DENND1A: variants seen among roughly 807,000 people sequenced by gnomAD.
The protein encoded by DENND1A is DENN domain containing 1A.
A neutral mutation model predicts 113.7 loss-of-function variants in DENND1A; 51 were observed. The ratio of observed to expected loss-of-function variants is 0.45; its 90% confidence interval spans 0.36 to 0.57. DENND1A has a LOEUF of 0.57. DENND1A is among the 20% of genes least tolerant of loss of function. The pLI is 0.00. For missense variants in DENND1A, 1,258 were observed against 1,395.9 expected (o/e 0.90, Z 1.57); for synonymous variants, 565 against 570.8 (o/e 0.99, Z 0.14).
chr9:123,882,730 A>G (rs770223263), intron 1 of DENND1A, among the ~76,000 whole-genome samples: 1 of 152,170 alleles, frequency 6.6e-6, no homozygotes, highest in Non-Finnish European at 1.5e-5. Context: ...CAAATCTCCT[A>G]AAAGCTCCCC....
At chr9:123,512,792 T>C (rs1564628011) in intron 13 of DENND1A, among the ~76,000 whole-genome samples, 1 of 152,222 alleles carries the variant, frequency 6.6e-6, no homozygotes, top group East Asian at 1.9e-4. Context: ...AAATACCAGC[T>C]TTGCTGGTAA....
intron 8 of DENND1A, among the ~76,000 whole-genome samples, chr9:123,662,481 T>G (rs1324507883): frequency 2.0e-5 from 3 of 152,180 alleles, no homozygotes; most frequent in Non-Finnish European, 4.4e-5. Context: ...GACAATCGCT[T>G]GAGCCCAGGA....
chr9:123,843,036 A>G (rs1330335884), intron 2 of DENND1A: 2 of 491,038 alleles, frequency 4.1e-6, no homozygotes, highest in Admixed American at 4.5e-5. Context: ...AGAAAATACC[A>G]TGAAAGATAC....
At chr9:123,696,420 G>C (rs1311218021) in intron 5 of DENND1A, among the ~76,000 whole-genome samples, 1 of 152,210 alleles carries the variant, frequency 6.6e-6, no homozygotes, top group Non-Finnish European at 1.5e-5. Flanking sequence ...ATTATCGGAA[G>C]AGTTTTGTTA....
At chr9:123,768,425 C>A (rs1317825386) in intron 4 of DENND1A, among the ~76,000 whole-genome samples, 1 of 152,102 alleles carries the variant, frequency 6.6e-6, no homozygotes, top group Non-Finnish European at 1.5e-5. Context: ...AGCATACTAC[C>A]CACATATACT....
rs775600841 is a variant in DENND1A at position 123,757,820 on chromosome 9, A to G, written c.185T>C (p.Leu62Pro). Residue 62 changes from leucine to proline, a missense_variant and splice_region_variant, in exon 5 of 24, where the codon CTC (leucine) becomes CCC (proline). Physicochemically the swap from Leu to Pro is moderately conservative, Grantham distance 98. Coordinates refer to ENST00000394215, the MANE Select transcript of DENND1A (RefSeq NM_001352964.2). Reference protein sequence around the residue: ...KFCFPFYVDSLTVSQVGQNFT... With the variant: ...KFCFPFYVDSPTVSQVGQNFT... ...GTTCTGGCCAACTTGGCTAACTGTG[A>G]GGCTGCAGCAAAGGCAGAACAAAGG... 1 of 1,613,728 alleles carries G rather than the reference A, an allele frequency of 6.2e-7. No homozygotes were observed. Among genetic ancestry groups the G allele is most frequent in the Non-Finnish European group, 8.5e-7 (1 of 1,179,860 alleles).
At chr9:123,609,229 C>T (rs990886597) in intron 11 of DENND1A, among the ~76,000 whole-genome samples, 1 of 152,180 alleles carries the variant, frequency 6.6e-6, no homozygotes, top group Non-Finnish European at 1.5e-5. Context: ...TGAAAATCCA[C>T]AGTCTCTCGG....
intron 3 of DENND1A, among the ~76,000 whole-genome samples, chr9:123,780,006 C>CA (rs1028827021): frequency 5.3e-5 from 8 of 150,840 alleles, no homozygotes; most frequent in South Asian, 2.1e-4. Context: ...GGCGCCCCCC[C>CA]ACCACGCCAG....
chr9:123,399,784 T>C (rs2043332805), intron 21 of DENND1A, among the ~76,000 whole-genome samples: 1 of 152,222 alleles, frequency 6.6e-6, no homozygotes, highest in African/African-American at 2.4e-5. Flanking sequence ...AAGGGCCCCG[T>C]TCCAAGGACA....
At chr9:123,402,917 T>G (rs1397016672) in intron 21 of DENND1A, among the ~76,000 whole-genome samples, 1 of 151,924 alleles carries the variant, frequency 6.6e-6, no homozygotes, top group Non-Finnish European at 1.5e-5. Flanking sequence ...GGGAGATGGG[T>G]AAGAAAAACC....
At chr9:123,387,628 C>G (rs1243977626) in intron 22 of DENND1A, 102 bp downstream of exon 22, 1 of 1,220,778 alleles carries the variant, frequency 8.2e-7, no homozygotes, top group Non-Finnish European at 1.1e-6. Flanking sequence ...AGACACCCTC[C>G]CCCCGACACA....
chr9:123,811,342 A>G (rs1002364933), intron 2 of DENND1A, among the ~76,000 whole-genome samples: 1 of 152,248 alleles, frequency 6.6e-6, no homozygotes, highest in Admixed American at 6.5e-5. Flanking sequence ...GGAAATAAGC[A>G]GTCTCCTATA....
chr9:123,576,789 G>A (rs1383739202), intron 12 of DENND1A, among the ~76,000 whole-genome samples: 1 of 152,132 alleles, frequency 6.6e-6, no homozygotes, highest in Non-Finnish European at 1.5e-5. Context: ...AGAATTCTGG[G>A]TTGATAAAAA....
intron 10 of DENND1A, among the ~76,000 whole-genome samples, chr9:123,617,877 G>A (rs904336031): frequency 6.6e-5 from 10 of 152,130 alleles, no homozygotes; most frequent in African/African-American, 2.4e-4. Context: ...AAATAAATAA[G>A]AGAAAAAGAG....
Position 123,757,806 on chromosome 9 carries a change from C to T in DENND1A, c.199G>A (p.Val67Ile), listed in dbSNP as rs945437126. 6 of 1,613,864 alleles carry T rather than the reference C, an allele frequency of 3.7e-6. No individual in the cohort carries two copies. Among genetic ancestry groups the T allele is most frequent in the Non-Finnish European group, 5.1e-6 (6 of 1,179,932 alleles). ...FYVDSLTVSQ[V>I]GQNFTFVLTD... ...AGCACGAATGTGAAGTTCTGGCCAA[C>T]TTGGCTAACTGTGAGGCTGCAGCAA... is the stretch of plus-strand genomic sequence containing the variant. Residue 67 changes from valine (V) to isoleucine (I), a missense_variant, in exon 5 of 24, where the codon GTT becomes ATT. This residue lies in a region of DENND1A where 99 missense variants were observed against 164.2 expected (regional missense o/e 0.60). Transcript: ENST00000394215.
At chr9:123,735,616 T>A (rs953189834) in intron 5 of DENND1A, among the ~76,000 whole-genome samples, 1 of 152,196 alleles carries the variant, frequency 6.6e-6, no homozygotes, top group African/African-American at 2.4e-5. Context: ...AACAAAACAG[T>A]AAGTGGTGAG....
intron 10 of DENND1A, among the ~76,000 whole-genome samples, chr9:123,620,250 GA>G (rs942536081): frequency 2.5e-5 from 3 of 118,448 alleles, no homozygotes; most frequent in Admixed American, 1.6e-4. Flanking sequence ...AAAAGAAAAA[GA>G]AAAAAAGGAA....
intron 2 of DENND1A, among the ~76,000 whole-genome samples, chr9:123,819,600 C>T (rs1029285606): frequency 2.0e-5 from 3 of 152,172 alleles, no homozygotes; most frequent in Admixed American, 1.3e-4. Context: ...TTCAGTGGCA[C>T]GATCTTGGCT....
At chr9:123,474,226 A>G (rs1057246407) in intron 13 of DENND1A, among the ~76,000 whole-genome samples, 1 of 151,998 alleles carries the variant, frequency 6.6e-6, no homozygotes, top group Non-Finnish European at 1.5e-5. Context: ...AATTCCTGAC[A>G]TCAAGTGATC....
Sources: allele counts gnomAD v4.1 joint callset (sites outside exome capture counted in the v4.1 genomes callset), GRCh38; gene constraint gnomAD v4.1.1; regional missense constraint gnomAD v4.1.1; transcripts MANE v1.5; gene names NCBI Gene and HGNC (gene_info 2026-07-23, HGNC 2026-07-21).